ACTN1: variants seen among roughly 807,000 people sequenced by gnomAD.
The protein encoded by ACTN1 is alpha-actinin-1.
ACTN1 carries 30 observed loss-of-function variants against 119.6 expected under a neutral mutation model. The ratio of observed to expected loss-of-function variants is 0.25; its 90% CI spans 0.19 to 0.34. The LOEUF is 0.34. Among genes scored for constraint, ACTN1 ranks in the 10% least tolerant of loss-of-function variants. The pLI, the probability that ACTN1 is intolerant of heterozygous loss-of-function variation, is 1.00. For synonymous variants in ACTN1, 429 were observed against 472.6 expected (o/e 0.91, Z 1.20); for missense variants, 764 against 1,223.4 (o/e 0.62, Z 5.60).
intron 1 of ACTN1, among the ~76,000 whole-genome samples, chr14:68,928,423 A>G (rs2035036096): frequency 2.0e-5 from 3 of 152,078 alleles, no homozygotes; most frequent in Admixed American, 2.0e-4. Flanking sequence ...CTCAAACTGG[A>G]AAGTTTCCCC....
intron 8 of ACTN1, among the ~76,000 whole-genome samples, chr14:68,898,499 T>C (rs1284409011): frequency 2.0e-5 from 3 of 152,062 alleles, no homozygotes; most frequent in African/African-American, 7.2e-5. Context: ...AGAAAGACAG[T>C]GGAGAGGATG....
intron 1 of ACTN1, among the ~76,000 whole-genome samples, chr14:68,936,225 C>T (rs2035501963): frequency 6.6e-6 from 1 of 152,126 alleles, no homozygotes; most frequent in African/African-American, 2.4e-5. Flanking sequence ...AAAAATTTCC[C>T]AGGGACAATT....
rs2031658732 is a variant in ACTN1 at position 68,882,661 on chromosome 14, T to C, written c.1819-69A>G. The C allele has an allele frequency of 6.3e-7, 1 of 1,599,360 alleles. No homozygotes were observed. Among genetic ancestry groups the C allele is most frequent in the Non-Finnish European group, 8.5e-7 (1 of 1,170,518 alleles). On this transcript the variant is annotated intron_variant, in intron 15 of 21. Transcript: ENST00000394419. The surrounding 1 kb of genome is among the most constrained non-coding windows in gnomAD (Gnocchi z 4.5). ...TCTGTCCATGTGCCAGATGAGGAAA[T>C]GGAGGACCCAGAAGGGGAAGGGCCG...
Position 68,948,141 on chromosome 14 carries a change from T to C in ACTN1, c.106-22469A>G, listed in dbSNP as rs532316681. 2.8e-4 allele frequency among the ~76,000 whole-genome samples: 43 copies of C among 152,214 alleles called. 1 individual carries two copies. In the South Asian group the frequency reaches 7.7e-3, roughly 27 times the overall value. ...GAAAGCACACAGAGGTCCTAGGAAG[T>C]TGGCCTTCTGCAGGGAGTCCCCCCC... On this transcript the variant is annotated intron_variant, in intron 1 of 21. Transcript: ENST00000394419.
chr14:68,940,668 G>A lies in ACTN1; in HGVS notation c.106-14996C>T, dbSNP rs374590565. Among the ~76,000 whole-genome samples the A allele has an allele frequency of 5.2e-5, 7 of 133,490 alleles. No individual in the cohort carries two copies. The East Asian group carries it at 1.2e-3, about 23-fold the overall frequency. 87.6% of individuals were successfully genotyped at this position (133,490 alleles called of 152,430 possible). A position where few individuals can be genotyped will look rare whatever the true frequency, so the allele number is the denominator to read the frequency against. On this transcript the variant is annotated intron_variant, in intron 1 of 21. Coordinates refer to ENST00000394419, the MANE Select transcript of ACTN1 (RefSeq NM_001130004.2). The stretch of plus-strand genomic sequence containing the variant: ...AGCCTGGGCAACATAGCAAGACCCT[G>A]TCTCTACTTAAAAAAAAAAAAAAAA...
chr14:68,902,418 T>G, intron 8 of ACTN1, 59 bp downstream of exon 8: 7 of 1,411,768 alleles, frequency 5.0e-6, no homozygotes, highest in Non-Finnish European at 7.0e-6. Flanking sequence ...CAGGAGGACA[T>G]GGTTTGGGGT....
chr14:68,942,525 G>C (rs1245823981), intron 1 of ACTN1, among the ~76,000 whole-genome samples: 1 of 152,228 alleles, frequency 6.6e-6, no homozygotes, highest in Admixed American at 6.5e-5. Context: ...CAAGAGAGCT[G>C]ACTGGAGGAG....
At chr14:68,892,384 G>A (rs2140161242) in intron 9 of ACTN1, 101 bp from the exon 10 acceptor site, 1 of 1,259,480 alleles carries the variant, frequency 7.9e-7, no homozygotes, top group Admixed American at 2.1e-5. Context: ...ACATGGGGAA[G>A]GGGTCTCTCC....
chr14:68,892,488 T>G (rs375651230), intron 9 of ACTN1, among the ~76,000 whole-genome samples: 14 of 152,296 alleles, frequency 9.2e-5, no homozygotes, highest in Non-Finnish European at 1.8e-4. Context: ...TCGTGAAGCC[T>G]GGCTACTAGG....
At chr14:68,883,107 G>A in intron 14 of ACTN1, 52 bp from the exon 15 acceptor site, 1 of 1,578,590 alleles carries the variant, frequency 6.3e-7, no homozygotes. Flanking sequence ...AGCGCTAGAA[G>A]TGAGTGGAAG....
intron 1 of ACTN1, chr14:68,977,894 G>A: frequency 4.4e-6 from 2 of 454,706 alleles, no homozygotes; most frequent in Non-Finnish European, 8.8e-6. Context: ...CAGCCGGGAG[G>A]AGGGGGAGGG....
At chr14:68,901,747 G>A (rs893463320) in intron 8 of ACTN1, among the ~76,000 whole-genome samples, 2 of 152,210 alleles carry the variant, frequency 1.3e-5, no homozygotes, top group African/African-American at 4.8e-5. Context: ...CATGGACAGT[G>A]CCCTTTAGTC....
intron 3 of ACTN1, among the ~76,000 whole-genome samples, chr14:68,916,366 CT>C (rs996124098): frequency 1.3e-5 from 2 of 152,190 alleles, no homozygotes; most frequent in African/African-American, 4.8e-5. Flanking sequence ...CAGGTGGCTT[CT>C]TTTTAGGGTC....
In ACTN1 at chr14:68,879,368, C is replaced by T. The variant is rs1174629529; in HGVS notation, c.2281-299G>A. Among the ~76,000 whole-genome samples, 2 of 152,156 alleles carry T rather than the reference C, an allele frequency of 1.3e-5. No homozygotes were observed. The highest frequency in any genetic ancestry group is 1.9e-4 in the East Asian group (1 of 5,164). ...TCCCTCAGAAGTGACCCAGCCCCCC[C>T]GCTTCCCCAGGGGCTTCCCCCCAGG... On this transcript the variant is annotated intron_variant, in intron 18 of 21. Coordinates refer to ENST00000394419, the MANE Select transcript of ACTN1 (RefSeq NM_001130004.2). This position sits in a 1 kb window ranked among gnomAD's most constrained non-coding sequence, Gnocchi z 4.9.
At chr14:68,940,640 G>A (rs2035732254) in intron 1 of ACTN1, among the ~76,000 whole-genome samples, 1 of 150,270 alleles carries the variant, frequency 6.7e-6, no homozygotes. Flanking sequence ...GGAGATCAAG[G>A]CCAGCCTGGG....
intron 8 of ACTN1, among the ~76,000 whole-genome samples, chr14:68,898,400 C>T (rs1268832467): frequency 1.3e-5 from 2 of 152,218 alleles, no homozygotes; most frequent in African/African-American, 2.4e-5. Flanking sequence ...ACAGCACGTG[C>T]CTGTACAGGC....
chr14:68,952,513 G>C (rs2036201644), intron 1 of ACTN1, among the ~76,000 whole-genome samples: 1 of 152,180 alleles, frequency 6.6e-6, no homozygotes, highest in Admixed American at 6.5e-5. Flanking sequence ...GTCGGGCTTG[G>C]GATGGGGTCA....
At chr14:68,928,752 G>A (rs180973105) in intron 1 of ACTN1, among the ~76,000 whole-genome samples, 228 of 152,264 alleles carry the variant, frequency 1.5e-3, no homozygotes, top group African/African-American at 5.2e-3. Flanking sequence ...ATGATCCCGG[G>A]ACCAGGTCTC....
chr14:68,934,495 CA>C (rs1205541678), intron 1 of ACTN1, among the ~76,000 whole-genome samples: 1 of 152,210 alleles, frequency 6.6e-6, no homozygotes, highest in African/African-American at 2.4e-5. Context: ...GGTTCAATGA[CA>C]AAGGCACATT....
Sources: gnomAD v4.1 joint callset for allele counts (sites outside exome capture counted in the v4.1 genomes callset) on GRCh38, gnomAD v4.1.1 for gene constraint, Gnocchi (gnomAD v3.1) non-coding constraint, MANE v1.5 for transcripts, NCBI Gene and HGNC (gene_info 2026-07-23, HGNC 2026-07-21) for gene names.